Variants in NR3C2 observed in about 807,000 individuals in gnomAD.
The protein encoded by NR3C2 is mineralocorticoid receptor.
NR3C2 carries 15 observed loss-of-function variants against 86.4 expected under a neutral mutation model. The ratio of observed to expected loss-of-function variants is 0.17; its 90% CI spans 0.12 to 0.27. The LOEUF (loss-of-function observed/expected upper bound fraction) is 0.27, where lower values mean the gene tolerates loss of function less well. Ranked by LOEUF, NR3C2 falls within the 10% of genes least tolerant of loss-of-function variation. The pLI is 1.00. For synonymous variants in NR3C2, 458 were observed against 450.5 expected, an observed-to-expected ratio of 1.02 and a Z score of -0.21; for missense variants, 960 against 1,195.6, an observed-to-expected ratio of 0.80 and a Z score of 2.91.
At chr4:148,141,965 G>A (rs190834402) in intron 6 of NR3C2, among the ~76,000 whole-genome samples, 158 of 152,232 alleles carry the variant, frequency 1.0e-3, no homozygotes, top group African/African-American at 3.6e-3. Context: ...GAGTGTATGA[G>A]GGGAAAGTCA....
At chr4:148,199,969 A>C (rs935061572) in intron 3 of NR3C2, among the ~76,000 whole-genome samples, 1 of 152,230 alleles carries the variant, frequency 6.6e-6, no homozygotes, top group Non-Finnish European at 1.5e-5. Context: ...ATTGGTCTTT[A>C]AGGAGAAGGA....
chr4:148,253,567 A>G (rs1246774747), intron 3 of NR3C2, among the ~76,000 whole-genome samples: 1 of 152,078 alleles, frequency 6.6e-6, no homozygotes, highest in Non-Finnish European at 1.5e-5. Context: ...ATCCACTTTC[A>G]TGGATGATGA....
intron 3 of NR3C2, among the ~76,000 whole-genome samples, chr4:148,253,189 T>C (rs1329500868): frequency 6.6e-6 from 1 of 152,170 alleles, no homozygotes; most frequent in Non-Finnish European, 1.5e-5. Context: ...CATCAACCAG[T>C]GTTCTCTGAG....
At chr4:148,197,858 C>G (rs61757495) in intron 3 of NR3C2, among the ~76,000 whole-genome samples, 5 of 152,124 alleles carry the variant, frequency 3.3e-5, no homozygotes, top group Non-Finnish European at 7.3e-5. Flanking sequence ...TGTCTCATTC[C>G]TTAATTCATA....
chr4:148,254,896 AC>A (rs1351732801), intron 3 of NR3C2, among the ~76,000 whole-genome samples: 1 of 152,194 alleles, frequency 6.6e-6, no homozygotes, highest in African/African-American at 2.4e-5. Flanking sequence ...TTAATTAAAA[AC>A]ATCTAATAAA....
chr4:148,222,660 C>A (rs542709446), intron 3 of NR3C2, among the ~76,000 whole-genome samples: 3 of 152,012 alleles, frequency 2.0e-5, no homozygotes, highest in Non-Finnish European at 4.4e-5. Context: ...ATTTAAAATG[C>A]GGGTTATATA....
chr4:148,123,896 A>G (rs1032732926), intron 6 of NR3C2, among the ~76,000 whole-genome samples: 1 of 152,128 alleles, frequency 6.6e-6, no homozygotes, highest in East Asian at 1.9e-4. Flanking sequence ...TCAGTTTCTT[A>G]CTTATTGAAG....
chr4:148,261,641 C>G (rs1740129183), intron 2 of NR3C2, among the ~76,000 whole-genome samples: 1 of 152,122 alleles, frequency 6.6e-6, no homozygotes. Context: ...GAAATGGGAG[C>G]TGGATGGGCT....
chr4:148,383,356 C>A (rs1747096429), intron 2 of NR3C2, among the ~76,000 whole-genome samples: 1 of 152,094 alleles, frequency 6.6e-6, no homozygotes, highest in African/African-American at 2.4e-5. Flanking sequence ...TTATGTGTTT[C>A]CTATGCTCCA....
chr4:148,241,915 CA>C (rs1739070626), intron 3 of NR3C2, among the ~76,000 whole-genome samples: 1 of 152,068 alleles, frequency 6.6e-6, no homozygotes, highest in African/African-American at 2.4e-5. Context: ...TTATTAAGAA[CA>C]TTATGCTAAG....
chr4:148,085,757 AAG>A (rs988410074), intron 8 of NR3C2, among the ~76,000 whole-genome samples: 3 of 152,230 alleles, frequency 2.0e-5, no homozygotes, highest in African/African-American at 7.2e-5. Context: ...TAATGAAGAA[AAG>A]AGAGAAGAAT....
At chr4:148,286,542 T>C (rs1741529751) in intron 2 of NR3C2, among the ~76,000 whole-genome samples, 1 of 152,194 alleles carries the variant, frequency 6.6e-6, no homozygotes, top group South Asian at 2.1e-4. Flanking sequence ...GCCTCAACAG[T>C]CATTCTTGGC....
At chr4:148,244,288 A>G (rs769221470) in intron 3 of NR3C2, among the ~76,000 whole-genome samples, 1 of 152,222 alleles carries the variant, frequency 6.6e-6, no homozygotes, top group Non-Finnish European at 1.5e-5. Flanking sequence ...AGGTATTTCT[A>G]GGAAAAACTG....
chr4:148,219,554 A>C (rs1475959191), intron 3 of NR3C2, among the ~76,000 whole-genome samples: 1 of 152,160 alleles, frequency 6.6e-6, no homozygotes, highest in African/African-American at 2.4e-5. Context: ...TGCTTTTATG[A>C]GTATACAATA....
At position 148,354,973 on chromosome 4, in the gene NR3C2, TA is replaced by T. The variant is rs568957112; in HGVS notation, c.1757+80130del. ...GATTTTATGCCAATTTTATGCTATT[TA>T]AAAAAAATAAATATAGCTCACAAAA... is the stretch of plus-strand genomic sequence containing the variant. On this transcript the variant is annotated intron_variant, in intron 2 of 8. Coordinates refer to ENST00000358102, the MANE Select transcript of NR3C2 (RefSeq NM_000901.5). Among the ~76,000 whole-genome samples, 890 of 152,080 alleles carry T rather than the reference TA, an allele frequency of 5.9e-3. 8 individuals are homozygous for T. The highest frequency in any genetic ancestry group is 0.021 in the African/African-American group (864 of 41,516).
chr4:148,372,440 A>C (rs1746465157), intron 2 of NR3C2, among the ~76,000 whole-genome samples: 1 of 152,080 alleles, frequency 6.6e-6, no homozygotes, highest in Non-Finnish European at 1.5e-5. Context: ...TATGACCGGC[A>C]ATCTCAGCAT....
chr4:148,279,251 A>G (rs976158676), intron 2 of NR3C2, among the ~76,000 whole-genome samples: 1 of 152,198 alleles, frequency 6.6e-6, no homozygotes, highest in African/African-American at 2.4e-5. Context: ...ATCAAGATTG[A>G]TTTCTTGGCT....
intron 3 of NR3C2, among the ~76,000 whole-genome samples, chr4:148,218,250 T>C (rs1737647639): frequency 6.6e-6 from 1 of 152,156 alleles, no homozygotes; most frequent in African/African-American, 2.4e-5. Context: ...AAGATCTTAG[T>C]GACAAGAACA....
intron 2 of NR3C2, among the ~76,000 whole-genome samples, chr4:148,398,960 G>A (rs1393096274): frequency 6.6e-6 from 1 of 152,196 alleles, no homozygotes; most frequent in Non-Finnish European, 1.5e-5. Flanking sequence ...ATAGCCTGAG[G>A]AAGAAGCAAA....
Sources: allele counts gnomAD v4.1 joint callset (sites outside exome capture counted in the v4.1 genomes callset), GRCh38; gene constraint gnomAD v4.1.1; transcripts MANE v1.5; gene names NCBI Gene and HGNC (gene_info 2026-07-23, HGNC 2026-07-21).